Variants in LHX3 observed in about 807,000 individuals in gnomAD.
LHX3 encodes LIM homeobox 3, also known as LIM/homeobox protein Lhx3.
In LHX3, 21 loss-of-function variants were observed where a neutral mutation model predicts 32.4. The ratio of observed to expected loss-of-function variants is 0.65; its 90% CI spans 0.46 to 0.93. The LOEUF (loss-of-function observed/expected upper bound fraction) is 0.93, where lower values mean the gene tolerates loss of function less well. Among genes scored for constraint, LHX3 ranks in the 40% least tolerant of loss-of-function variants. LHX3 has a pLI of 0.00. For missense variants in LHX3, 626 were observed against 560.0 expected (o/e 1.12, Z -1.19); for synonymous variants, 258 against 246.8 (o/e 1.05, Z -0.43).
At chr9:136,201,295 C>T in intron 1 of LHX3, 2 of 1,260,352 alleles carry the variant, frequency 1.6e-6, no homozygotes, top group Non-Finnish European at 2.0e-6. Flanking sequence ...AATATCAATG[C>T]CTTCCCCATC....
In LHX3 at chr9:136,198,846, C is replaced by A. The variant is rs772407584; in HGVS notation, c.607-26G>T. 1.1e-5 allele frequency: 18 copies of A among 1,597,892 alleles called. No individual in the cohort carries two copies. The African/African-American group carries it at 2.0e-4, about 18-fold the overall frequency. On this transcript the variant is annotated intron_variant, in intron 4 of 5. Coordinates refer to ENST00000371748, the MANE Select transcript of LHX3 (RefSeq NM_178138.6). ...CTGGGGGCGGGGCGGGGTGAGCGGCCGCCCGGCTCTGCGGGGGCCCCCAAG... is the reference window on the plus strand; with the variant it reads ...CTGGGGGCGGGGCGGGGTGAGCGGCAGCCCGGCTCTGCGGGGGCCCCCAAG...
intron 3 of LHX3, among the ~76,000 whole-genome samples, 195 bp from the exon 4 acceptor site, chr9:136,199,254 G>GGCGCCGGCGGAGGGC (rs1831577059): frequency 6.6e-6 from 1 of 152,096 alleles, no homozygotes; most frequent in African/African-American, 2.4e-5. Flanking sequence ...GGGTGGAGGG[G>GGCGCCGGCGGAGGGC]GCGCCGGCGG....
chr9:136,201,606 G>C, intron 1 of LHX3: 10 of 1,010,806 alleles, frequency 9.9e-6, no homozygotes, highest in Non-Finnish European at 1.2e-5. Context: ...TGAAGGGACC[G>C]GGATTTACTG....
At chr9:136,203,798 T>A (rs73558596) in intron 1 of LHX3, among the ~76,000 whole-genome samples, 4,320 of 152,294 alleles carry the variant, frequency 0.028, 200 homozygotes, top group African/African-American at 0.098. Flanking sequence ...ACCTTCCATT[T>A]CCAGCCCCCA....
intron 2 of LHX3, chr9:136,200,108 G>A (rs1241663509): frequency 9.0e-6 from 6 of 664,388 alleles, no homozygotes; most frequent in Non-Finnish European, 8.2e-6. Context: ...GCCATTGCCT[G>A]CAGGACCCAT....
intron 1 of LHX3, among the ~76,000 whole-genome samples, chr9:136,204,250 A>G (rs1221468714): frequency 1.3e-5 from 2 of 152,220 alleles, no homozygotes; most frequent in African/African-American, 4.8e-5. Context: ...GTCCGTTTTG[A>G]GCAGTGGCCC....
chr9:136,201,306 A>T, intron 1 of LHX3: 2 of 1,255,336 alleles, frequency 1.6e-6, no homozygotes, highest in Non-Finnish European at 2.0e-6. Context: ...CTTCCCCATC[A>T]TTGGGCAGCC....
At chr9:136,204,827 AGAGC>A in intron 1 of LHX3, 103 bp downstream of exon 1, 1 of 903,084 alleles carries the variant, frequency 1.1e-6, no homozygotes, top group South Asian at 1.4e-5. Flanking sequence ...TCCCGCCTGC[AGAGC>A]GGCGGGACTT....
chr9:136,199,892 A>C lies in LHX3; in HGVS notation c.252-12T>G. The C allele has an allele frequency of 6.4e-7, 1 of 1,574,296 alleles. No individual in the cohort carries two copies. Among genetic ancestry groups the C allele is most frequent in the Non-Finnish European group, 8.6e-7 (1 of 1,160,716 alleles). Reference sequence around the variant, plus strand: ...TGGTCCCGAAGCGCCTGCGGGACGCACAGGGCCGGGCTCAGCGCGGAAGCG... The same window carrying C: ...TGGTCCCGAAGCGCCTGCGGGACGCCCAGGGCCGGGCTCAGCGCGGAAGCG... On this transcript the variant is annotated splice_polypyrimidine_tract_variant and intron_variant, in intron 2 of 5. Coordinates refer to ENST00000371748, the MANE Select transcript of LHX3 (RefSeq NM_178138.6).
At chr9:136,201,171 C>G in intron 1 of LHX3, 2 of 1,364,096 alleles carry the variant, frequency 1.5e-6, no homozygotes, top group East Asian at 2.7e-5. Context: ...TCACCTGGAG[C>G]TGGGGCACCC....
chr9:136,200,600 C>A lies in LHX3; in HGVS notation c.233G>T (p.Cys78Phe). 6.2e-7 allele frequency: 1 copy of A among 1,613,478 alleles called. No individual in the cohort carries two copies. Among genetic ancestry groups the A allele is most frequent in the East Asian group, 2.2e-5 (1 of 44,890 alleles). Residue 78 changes from cysteine to phenylalanine, a missense_variant, in exon 2 of 6, where the codon TGC becomes TTC. Transcript: ENST00000371748. ...RCFSRGESVY[C>F]KDDFFKRFGT... ...GGCTCACTTGAAAAAGTCGTCCTTG[C>A]AGTAAACGCTCTCCCCTCGGCTGAA...
intron 1 of LHX3, 123 bp from the exon 2 acceptor site, chr9:136,200,876 C>T: frequency 1.7e-6 from 2 of 1,145,676 alleles, no homozygotes; most frequent in Non-Finnish European, 1.3e-6. Context: ...GAGGGGTCCT[C>T]CTTTCCCTAC....
At chr9:136,200,012 G>A (rs1006018294) in intron 2 of LHX3, 132 bp from the exon 3 acceptor site, 7 of 973,354 alleles carry the variant, frequency 7.2e-6, no homozygotes, top group South Asian at 2.8e-5. Context: ...CTGCAGGGTG[G>A]TCGCCAGCCT....
intron 1 of LHX3, among the ~76,000 whole-genome samples, chr9:136,204,001 C>T (rs957095247): frequency 3.9e-5 from 6 of 152,216 alleles, no homozygotes; most frequent in Non-Finnish European, 8.8e-5. Flanking sequence ...GGGTGGCCCT[C>T]GGCAGCACAG....
chr9:136,202,206 A>G (rs1831656921), intron 1 of LHX3, among the ~76,000 whole-genome samples: 1 of 152,016 alleles, frequency 6.6e-6, no homozygotes, highest in South Asian at 2.1e-4. Context: ...CCGTCGAAAA[A>G]TAAATAAATA....
In LHX3 at chr9:136,200,609, C is replaced by T. The variant is rs769416351; in HGVS notation, c.224G>A (p.Ser75Asn). Residue 75 changes from serine (S) to asparagine (N), a missense_variant, in exon 2 of 6, where the codon AGC (serine) becomes AAC (asparagine). Transcript: ENST00000371748. ...GAAAAAGTCGTCCTTGCAGTAAACG[C>T]TCTCCCCTCGGCTGAAGCAGCGCTC... Reference protein sequence around the residue: ...LAERCFSRGESVYCKDDFFKR... With the variant: ...LAERCFSRGENVYCKDDFFKR... 1 of 1,613,540 alleles carries T rather than the reference C, an allele frequency of 6.2e-7. No individual in the cohort carries two copies. Among genetic ancestry groups the T allele is most frequent in the Non-Finnish European group, 8.5e-7 (1 of 1,180,028 alleles).
rs1313953461 is a variant in LHX3, at chr9:136,198,730, G to C, written c.697C>G (p.Arg233Gly). 6.2e-7 allele frequency: 1 copy of C among 1,611,540 alleles called. No homozygotes were observed. The highest frequency in any genetic ancestry group is 1.1e-5 in the South Asian group (1 of 91,058). The part of the protein sequence containing the change: ...RWGQYFRNMK[R>G]SRGGSKSDKD... Reference sequence around the variant, plus strand: ...TCCGACTTGGAGCCGCCGCGGGAGCGCTTCATGTTGCGGAAATACTGCCCC... The same window carrying C: ...TCCGACTTGGAGCCGCCGCGGGAGCCCTTCATGTTGCGGAAATACTGCCCC... The change falls in exon 5 of 6, where the codon CGC (arginine) becomes GGC (glycine). Residue 233 changes from arginine (R) to glycine (G), a missense_variant. Coordinates refer to ENST00000371748, the MANE Select transcript of LHX3 (RefSeq NM_178138.6).
intron 1 of LHX3, chr9:136,201,565 GAA>G: frequency 9.3e-7 from 1 of 1,069,542 alleles, no homozygotes; most frequent in Non-Finnish European, 1.1e-6. Context: ...TCTTCACTTA[GAA>G]AAAGTCTCTG....
chr9:136,202,914 C>A (rs1831679194), intron 1 of LHX3: 2 of 1,530,324 alleles, frequency 1.3e-6, no homozygotes, highest in Non-Finnish European at 1.7e-6. Flanking sequence ...CTCCTGGTCT[C>A]CCCGGTGCAG....
Sources: gnomAD v4.1 joint callset for allele counts (sites outside exome capture counted in the v4.1 genomes callset) on GRCh38, gnomAD v4.1.1 for gene constraint, MANE v1.5 for transcripts, NCBI Gene and HGNC (gene_info 2026-07-23, HGNC 2026-07-21) for gene names.